CREB1: variants seen among roughly 807,000 people sequenced by gnomAD.
CREB1 encodes cAMP responsive element binding protein 1.
In CREB1, 2 loss-of-function variants were observed where a neutral mutation model predicts 42.0. The observed-to-expected ratio is 0.05, with a 90% CI of 0.02 to 0.15. CREB1 has a LOEUF of 0.15. Ranked by LOEUF, CREB1 falls within the 10% of genes least tolerant of loss-of-function variation. The pLI is 1.00. For synonymous variants in CREB1, 123 were observed against 139.9 expected (o/e 0.88, Z 0.85); for missense variants, 199 against 388.9 (o/e 0.51, Z 4.11).
At chr2:207,542,008 TGTA>T (rs2081116617) in intron 1 of CREB1, among the ~76,000 whole-genome samples, 1 of 152,212 alleles carries the variant, frequency 6.6e-6, no homozygotes, top group Non-Finnish European at 1.5e-5. Context: ...TTATTCATGT[TGTA>T]GTATGTATCA....
intron 1 of CREB1, among the ~76,000 whole-genome samples, chr2:207,545,276 C>T (rs1422122382): frequency 6.6e-6 from 1 of 152,116 alleles, no homozygotes; most frequent in African/African-American, 2.4e-5. Flanking sequence ...GGCATGATCT[C>T]GGCTCACTGC....
chr2:207,547,936 T>TG (rs2081357825), intron 1 of CREB1, among the ~76,000 whole-genome samples: 1 of 152,046 alleles, frequency 6.6e-6, no homozygotes, highest in Non-Finnish European at 1.5e-5. Context: ...GATGATTTTT[T>TG]TTTTTTTAAA....
intron 3 of CREB1, among the ~76,000 whole-genome samples, chr2:207,560,914 A>G (rs1300735444): frequency 6.6e-6 from 1 of 152,174 alleles, no homozygotes; most frequent in African/African-American, 2.4e-5. Context: ...CATGTTATCT[A>G]ATTCTTTGGA....
rs2082162241 is a variant in CREB1 at position 207,566,960 on chromosome 2, T to C, written c.262-503T>C. Among the ~76,000 whole-genome samples the C allele has an allele frequency of 2.0e-5, 3 of 152,300 alleles. 1 individual carries two copies. Among genetic ancestry groups the C allele is most frequent in the Non-Finnish European group, 4.4e-5 (3 of 68,012 alleles). On this transcript the variant is annotated intron_variant, in intron 3 of 7. Transcript: ENST00000353267. The stretch of plus-strand genomic sequence containing the variant: ...ATTATAGAATGCTAACTTTGAAACA[T>C]GTTAGGAGTTTTTCCTAACTTGCTA...
At chr2:207,541,556 T>C (rs534707869) in intron 1 of CREB1, among the ~76,000 whole-genome samples, 3 of 152,320 alleles carry the variant, frequency 2.0e-5, no homozygotes, top group Admixed American at 1.3e-4. Context: ...GGCTATACCA[T>C]CTAGGTTTTG....
intron 1 of CREB1, among the ~76,000 whole-genome samples, chr2:207,542,020 C>T (rs2081117521): frequency 3.9e-5 from 6 of 152,176 alleles, no homozygotes; most frequent in Admixed American, 3.3e-4. Flanking sequence ...TAGTATGTAT[C>T]AGTATTCATT....
intron 3 of CREB1, among the ~76,000 whole-genome samples, chr2:207,565,011 T>C (rs2082088641): frequency 6.6e-6 from 1 of 151,884 alleles, no homozygotes; most frequent in African/African-American, 2.4e-5. Context: ...ATGATTTTTA[T>C]TGATCTCAGT....
chr2:207,566,354 G>A (rs2082139648), intron 3 of CREB1, among the ~76,000 whole-genome samples: 1 of 152,164 alleles, frequency 6.6e-6, no homozygotes, highest in Non-Finnish European at 1.5e-5. Flanking sequence ...AGACCCTTTT[G>A]TCTTGGTTAA....
At chr2:207,571,653 C>G (rs964751879) in intron 5 of CREB1, 16 of 432,856 alleles carry the variant, frequency 3.7e-5, no homozygotes, top group Non-Finnish European at 7.0e-5. Flanking sequence ...TCAGTTGAAG[C>G]CTCATACCAG....
At chr2:207,585,682 T>G (rs1177242881) in intron 7 of CREB1, among the ~76,000 whole-genome samples, 2 of 151,668 alleles carry the variant, frequency 1.3e-5, no homozygotes, top group East Asian at 3.9e-4. Flanking sequence ...TACAAATAAA[T>G]CAGGAAAACA....
At position 207,601,221 on chromosome 2, in the gene CREB1, A is replaced by G. The variant is rs187594841; in HGVS notation, c.*4163A>G. Reference sequence around the variant, plus strand: ...TTGTATATTTATTTGGATTATATTTACATTCTGTCCTTTGTAAATGTTTGG... The same window carrying G: ...TTGTATATTTATTTGGATTATATTTGCATTCTGTCCTTTGTAAATGTTTGG... On this transcript the variant is annotated 3_prime_UTR_variant, in exon 8 of 8. Transcript: ENST00000353267. 9 of 185,672 alleles carry G rather than the reference A, an allele frequency of 4.8e-5. No individual in the cohort carries two copies. In the East Asian group the frequency reaches 6.1e-4, roughly 13 times the overall value. The allele number at this position is 185,672 out of a possible 1,614,324, so 11.5% of individuals were successfully genotyped here.
intron 7 of CREB1, among the ~76,000 whole-genome samples, chr2:207,590,109 ATAG>A (rs2084724538): frequency 8.5e-6 from 1 of 117,610 alleles, no homozygotes; most frequent in Non-Finnish European, 1.7e-5. Context: ...TTTTTTTTTA[ATAG>A]ATACGGGATC....
At chr2:207,586,051 T>C (rs181198280) in intron 7 of CREB1, among the ~76,000 whole-genome samples, 156 of 152,234 alleles carry the variant, frequency 1.0e-3, no homozygotes, top group African/African-American at 3.6e-3. Context: ...CAAAAAGGCC[T>C]TTCTAAGACA....
chr2:207,534,693 A>G (rs2080796317), intron 1 of CREB1: 1 of 152,208 alleles, frequency 6.6e-6, no homozygotes, highest in Admixed American at 6.5e-5. Context: ...AGTGAGGAGT[A>G]TATTTTTTAT....
In CREB1 at chr2:207,549,390, G is replaced by C. The variant is rs962230970; in HGVS notation, c.-8-6238G>C. On this transcript the variant is annotated intron_variant, in intron 1 of 7. Transcript: ENST00000353267. ...TCTGCCAGGTTGGACATATGGTAAA[G>C]ATAAATGACAAGTATTTTAAGGTTA... Among the ~76,000 whole-genome samples, 10 of 151,372 alleles carry C rather than the reference G, an allele frequency of 6.6e-5. No homozygotes were observed. The East Asian group carries it at 1.9e-3, about 29-fold the overall frequency.
At chr2:207,564,510 T>C (rs898944482) in intron 3 of CREB1, among the ~76,000 whole-genome samples, 1 of 145,574 alleles carries the variant, frequency 6.9e-6, no homozygotes, top group African/African-American at 2.5e-5. Context: ...TCCTGTCTCT[T>C]AAAAAAAAAA....
At position 207,598,004 on chromosome 2, in the gene CREB1, T is replaced by C. The variant is rs2086449355; in HGVS notation, c.*946T>C. ...ACGTAAAAAGATATTTCTAATTTAC[T>C]GTTGCCCATTGCACTTACATACCAC... is the stretch of plus-strand genomic sequence containing the variant. On this transcript the variant is annotated 3_prime_UTR_variant, in exon 8 of 8. Coordinates refer to ENST00000353267, the MANE Select transcript of CREB1 (RefSeq NM_004379.5). 5.5e-6 allele frequency: 1 copy of C among 182,808 alleles called. No individual in the cohort carries two copies. Among genetic ancestry groups the C allele is most frequent in the Admixed American group, 6.3e-5 (1 of 15,996 alleles). The allele number at this position is 182,808 out of a possible 1,614,324, so 11.3% of individuals were successfully genotyped here. A position where few individuals can be genotyped will look rare whatever the true frequency, so the allele number is the denominator to read the frequency against.
chr2:207,593,940 A>G (rs2085595608), intron 7 of CREB1, among the ~76,000 whole-genome samples: 1 of 152,106 alleles, frequency 6.6e-6, no homozygotes, highest in African/African-American at 2.4e-5. Context: ...GCTGGTCTCA[A>G]ACTCCTGGCC....
At position 207,575,359 on chromosome 2, in the gene CREB1, C is replaced by T; in HGVS notation, c.593C>T (p.Ala198Val). Residue 198 changes from alanine (A) to valine (V), a missense_variant, in exon 6 of 8, where the codon GCA becomes GTA. By Grantham distance (64) the Ala-to-Val change is moderately conservative. Coordinates refer to ENST00000353267, the MANE Select transcript of CREB1 (RefSeq NM_004379.5). ...CTGCAAACATTAACCATGACCAATG[C>T]AGCAGCCACTCAGCCGGGTACTACC... ...QGLQTLTMTNAAATQPGTTIL... is the reference protein window; with the variant it reads ...QGLQTLTMTNVAATQPGTTIL... 1 of 1,614,168 alleles carries T rather than the reference C, an allele frequency of 6.2e-7. No homozygotes were observed. The highest frequency in any genetic ancestry group is 8.5e-7 in the Non-Finnish European group (1 of 1,180,020).
Sources: gnomAD v4.1 joint callset for allele counts (sites outside exome capture counted in the v4.1 genomes callset) on GRCh38, gnomAD v4.1.1 for gene constraint, MANE v1.5 for transcripts, NCBI Gene and HGNC (gene_info 2026-07-23, HGNC 2026-07-21) for gene names.